The following COL15A1 variants were observed in gnomAD, a reference collection of about 807,000 sequenced individuals.
COL15A1 encodes collagen type XV alpha 1 chain, also known as collagen alpha-1(XV) chain.
Under a neutral mutation model 165.9 loss-of-function variants are expected in COL15A1, and 111 were observed. The ratio of observed to expected loss-of-function variants is 0.67; its 90% CI spans 0.57 to 0.78. The LOEUF is 0.78. COL15A1 is among the 30% of genes least tolerant of loss of function. The pLI, the probability that COL15A1 is intolerant of heterozygous loss-of-function variation, is 0.00. For synonymous variants in COL15A1, 659 were observed against 674.8 expected (o/e 0.98, Z 0.36); for missense variants, 1,745 against 1,789.7 (o/e 0.98, Z 0.45).
intron 36 of COL15A1, among the ~76,000 whole-genome samples, chr9:99,061,322 G>A (rs372014856): frequency 2.2e-4 from 33 of 152,306 alleles, no homozygotes; most frequent in East Asian, 1.3e-3. Flanking sequence ...TCTCTTGGCC[G>A]TTATTTCTTT....
At chr9:98,987,712 C>T (rs1038016199) in intron 4 of COL15A1, among the ~76,000 whole-genome samples, 4 of 152,202 alleles carry the variant, frequency 2.6e-5, no homozygotes, top group Non-Finnish European at 2.9e-5. Context: ...AAACGATCCT[C>T]AACTTAGCTT....
At chr9:99,047,646 C>T in intron 26 of COL15A1, 140 bp from the exon 27 acceptor site, 1 of 834,578 alleles carries the variant, frequency 1.2e-6, no homozygotes, top group Non-Finnish European at 2.0e-6. Flanking sequence ...CAGGCAGGGG[C>T]TTCTACCTGG....
At chr9:98,967,703 C>T (rs1303631548) in intron 2 of COL15A1, among the ~76,000 whole-genome samples, 1 of 152,164 alleles carries the variant, frequency 6.6e-6, no homozygotes, top group Non-Finnish European at 1.5e-5. Flanking sequence ...ACAATCCTGC[C>T]CCTGCACCCT....
chr9:99,032,031 G>C (rs1267426271), intron 16 of COL15A1, among the ~76,000 whole-genome samples: 2 of 152,008 alleles, frequency 1.3e-5, no homozygotes, highest in Non-Finnish European at 2.9e-5. Flanking sequence ...CCAACATCCG[G>C]TGTTGTCAGC....
chr9:99,034,887 TGGTACC>T, intron 17 of COL15A1, 121 bp from the exon 18 acceptor site: 4 of 931,114 alleles, frequency 4.3e-6, no homozygotes, highest in Non-Finnish European at 1.7e-6. Context: ...TACCATTAAG[TGGTACC>T]GATCAGAGAA....
intron 38 of COL15A1, 102 bp downstream of exon 38, chr9:99,062,406 G>A: frequency 1.1e-6 from 1 of 873,744 alleles, no homozygotes. Context: ...TGGACAGTCA[G>A]CTGTGCACGG....
At chr9:99,064,675 T>G (rs1396822477) in intron 39 of COL15A1, among the ~76,000 whole-genome samples, 1 of 152,244 alleles carries the variant, frequency 6.6e-6, no homozygotes, top group East Asian at 1.9e-4. Context: ...CCAAGCAAGG[T>G]AGTAGCCAAC....
intron 36 of COL15A1, 128 bp from the exon 37 acceptor site, chr9:99,061,843 C>T (rs1825819360): frequency 1.0e-6 from 1 of 962,576 alleles, no homozygotes; most frequent in African/African-American, 1.6e-5. Context: ...CTATCTGGCA[C>T]ATTAACAAGC....
intron 32 of COL15A1, 25 bp from the exon 33 acceptor site, chr9:99,055,077 A>G (rs1825697451): frequency 6.2e-7 from 1 of 1,600,504 alleles, no homozygotes; most frequent in African/African-American, 1.3e-5. Context: ...ACAATCGTGA[A>G]TTTTACGAAG....
intron 30 of COL15A1, among the ~76,000 whole-genome samples, chr9:99,051,723 C>T (rs1011457144): frequency 3.2e-4 from 49 of 152,174 alleles, no homozygotes; most frequent in African/African-American, 1.1e-3. Context: ...TGGCACCATA[C>T]GGATGACTTT....
intron 9 of COL15A1, among the ~76,000 whole-genome samples, chr9:99,014,205 T>C (rs7035399): frequency 0.41 from 62,443 of 152,034 alleles, 13,999 homozygotes; most frequent in East Asian, 0.68. Context: ...TAACTTCAGC[T>C]AAGACAAAAC....
chr9:99,031,057 G>A (rs1012278992), intron 16 of COL15A1, among the ~76,000 whole-genome samples: 3 of 152,154 alleles, frequency 2.0e-5, no homozygotes, highest in Non-Finnish European at 4.4e-5. Context: ...TTCTTTCACC[G>A]AGCACACCTT....
In COL15A1 at chr9:98,950,575, CCTTCCTTCCTT is replaced by C. The variant is rs1564004678; in HGVS notation, c.100+6327_100+6337del. 5.2e-5 allele frequency among the ~76,000 whole-genome samples: 6 copies of C among 116,212 alleles called. No homozygotes were observed. In the East Asian group the frequency reaches 1.7e-3, roughly 32 times the overall value. 76.2% of individuals were successfully genotyped at this position (116,212 alleles called of 152,430 possible). On this transcript the variant is annotated intron_variant, in intron 2 of 41. Coordinates refer to ENST00000375001, the MANE Select transcript of COL15A1 (RefSeq NM_001855.5). ...CCCTTCCTTCCTTCCTTCCTTCCTT[CCTTCCTTCCTT>C]CCTTCCTCCCTCCCTCCCTCTCTCT...
intron 2 of COL15A1, among the ~76,000 whole-genome samples, chr9:98,955,307 G>A (rs757935788): frequency 3.9e-5 from 6 of 152,218 alleles, no homozygotes; most frequent in Non-Finnish European, 5.9e-5. Context: ...CTAAGGATTA[G>A]TGATCGGGCC....
chr9:98,977,337 A>C (rs940971137), intron 2 of COL15A1, among the ~76,000 whole-genome samples: 7 of 152,140 alleles, frequency 4.6e-5, no homozygotes, highest in African/African-American at 1.7e-4. Flanking sequence ...CCCAGCACAG[A>C]GCCATCCAAG....
chr9:99,054,872 A>G (rs1825689793), intron 32 of COL15A1, among the ~76,000 whole-genome samples: 1 of 152,160 alleles, frequency 6.6e-6, no homozygotes, highest in African/African-American at 2.4e-5. Flanking sequence ...CATCTTTTAT[A>G]TGCAAAACAA....
intron 39 of COL15A1, among the ~76,000 whole-genome samples, chr9:99,063,800 G>A (rs1350908020): frequency 3.9e-5 from 6 of 152,138 alleles, no homozygotes; most frequent in South Asian, 2.1e-4. Flanking sequence ...GAAGGAAGCA[G>A]AAGTGACTAA....
rs1350664076 is a variant in COL15A1 at position 99,004,726 on chromosome 9, G to A, written c.1201-172G>A. The stretch of plus-strand genomic sequence containing the variant: ...GGGGTGGTCTCGCAGCATGAGTGGT[G>A]TGAGGAACCAGGCTTCCATATTTCT... On this transcript the variant is annotated intron_variant, in intron 8 of 41. Transcript: ENST00000375001. Among the ~76,000 whole-genome samples the A allele has an allele frequency of 4.6e-5, 7 of 152,228 alleles. No homozygotes were observed. In the South Asian group the frequency reaches 1.5e-3, roughly 32 times the overall value.
chr9:98,990,025 G>GT (rs1310288985), intron 5 of COL15A1, among the ~76,000 whole-genome samples: 1 of 152,218 alleles, frequency 6.6e-6, no homozygotes, highest in East Asian at 1.9e-4. Context: ...CTTTGTAAAC[G>GT]TATCTCTAAT....
Sources: gnomAD v4.1 joint callset for allele counts (sites outside exome capture counted in the v4.1 genomes callset) on GRCh38, gnomAD v4.1.1 for gene constraint, MANE v1.5 for transcripts, NCBI Gene and HGNC (gene_info 2026-07-23, HGNC 2026-07-21) for gene names.